SPATA18: variants seen among roughly 807,000 people sequenced by gnomAD.
SPATA18 encodes spermatogenesis associated 18.
A neutral mutation model predicts 68.1 loss-of-function variants in SPATA18; 54 were observed. The ratio of observed to expected loss-of-function variants is 0.79; its 90% CI spans 0.64 to 0.99. The LOEUF (loss-of-function observed/expected upper bound fraction) is 0.99, where lower values mean the gene tolerates loss of function less well. Ranked by LOEUF, SPATA18 falls within the 50% of genes least tolerant of loss-of-function variation. The pLI, the probability that SPATA18 is intolerant of heterozygous loss-of-function variation, is 0.00. For synonymous variants in SPATA18, 242 were observed against 244.8 expected (o/e 0.99, Z 0.11); for missense variants, 724 against 681.1 (o/e 1.06, Z -0.70).
chr4:52,061,350 G>A (rs1046011145), intron 3 of SPATA18, among the ~76,000 whole-genome samples: 7 of 151,918 alleles, frequency 4.6e-5, no homozygotes, highest in Non-Finnish European at 5.9e-5. Flanking sequence ...GAGAGAGAGC[G>A]TTAGGACAAA....
chr4:52,083,933 G>GT (rs552393703), intron 10 of SPATA18, among the ~76,000 whole-genome samples: 1 of 151,564 alleles, frequency 6.6e-6, no homozygotes, highest in South Asian at 2.1e-4. Flanking sequence ...TAGAGACGGG[G>GT]TTTCACCATG....
At chr4:52,082,729 C>A (rs1467743809) in intron 10 of SPATA18, 26 of 1,384,302 alleles carry the variant, frequency 1.9e-5, no homozygotes, top group Non-Finnish European at 2.3e-5. Context: ...TTACTTCTTG[C>A]TTTATTTAGG....
At chr4:52,077,597 G>T (rs1015370713) in intron 7 of SPATA18, among the ~76,000 whole-genome samples, 1 of 152,034 alleles carries the variant, frequency 6.6e-6, no homozygotes, top group Non-Finnish European at 1.5e-5. Context: ...TCTCAAATGG[G>T]TTTATACAAA....
intron 11 of SPATA18, among the ~76,000 whole-genome samples, chr4:52,089,714 A>G (rs780607619): frequency 2.6e-5 from 4 of 152,198 alleles, no homozygotes; most frequent in African/African-American, 4.8e-5. Flanking sequence ...TATGTGGTCA[A>G]TTTTAGAATA....
chr4:52,074,448 G>T (rs1333732037), intron 6 of SPATA18, among the ~76,000 whole-genome samples: 2 of 151,364 alleles, frequency 1.3e-5, no homozygotes, highest in Admixed American at 6.6e-5. Context: ...TTGGGTGAGT[G>T]GGGGGCGCAG....
intron 11 of SPATA18, 39 bp from the exon 12 acceptor site, chr4:52,094,488 T>A: frequency 6.3e-7 from 1 of 1,594,952 alleles, no homozygotes; most frequent in Non-Finnish European, 8.6e-7. Flanking sequence ...TTGAGCTCCG[T>A]CTACTATGTA....
At position 52,060,660 on chromosome 4, in the gene SPATA18, T is replaced by C. The variant is rs942512943; in HGVS notation, c.194-122T>C. ...GATGACCTGATGTGTGTATTCTCTC[T>C]TTTTTTTTTAATTATACTTTAAGTT... On this transcript the variant is annotated intron_variant, in intron 2 of 12. Coordinates refer to ENST00000295213, the MANE Select transcript of SPATA18 (RefSeq NM_145263.4). 4.0e-5 allele frequency: 33 copies of C among 817,152 alleles called. No homozygotes were observed. The African/African-American group carries it at 4.6e-4, about 11-fold the overall frequency. 50.6% of individuals were successfully genotyped at this position (817,152 alleles called of 1,614,324 possible).
In SPATA18 at chr4:52,069,893, G is replaced by C. The variant is rs751082125; in HGVS notation, c.495G>C (p.Glu165Asp). 2.5e-5 allele frequency: 40 copies of C among 1,588,870 alleles called. No homozygotes were observed. Among genetic ancestry groups the C allele is most frequent in the Non-Finnish European group, 3.3e-5 (38 of 1,164,752 alleles). Residue 165 changes from glutamate to aspartate, a missense_variant, in exon 5 of 13, where the codon GAG becomes GAC. Transcript: ENST00000295213. ...CCATATCCCTTTTGGCTGCAGAGGA[G>C]GAAATAAATCAGCTGAAAAAGCAGT... ...RSAISLLAAE[E>D]EINQLKKQLK...
At position 52,095,688 on chromosome 4, in the gene SPATA18, A is replaced by G. The variant is rs1742362407; in HGVS notation, c.*801A>G. The G allele has an allele frequency of 6.6e-6, 1 of 152,158 alleles. No individual in the cohort carries two copies. Among genetic ancestry groups the G allele is most frequent in the Non-Finnish European group, 1.5e-5 (1 of 68,040 alleles). 9.4% of individuals were successfully genotyped at this position (152,158 alleles called of 1,614,324 possible). On this transcript the variant is annotated 3_prime_UTR_variant, in exon 13 of 13. Coordinates refer to ENST00000295213, the MANE Select transcript of SPATA18 (RefSeq NM_145263.4). ...TTCAAACTGTTTTAATGCATGTGTTATATATAAAAGTTTCTTGGGACATGC... is the reference window on the plus strand; with the variant it reads ...TTCAAACTGTTTTAATGCATGTGTTGTATATAAAAGTTTCTTGGGACATGC...
Position 52,096,313 on chromosome 4 carries a change from G to A in SPATA18, c.*1426G>A, listed in dbSNP as rs1474130490. ...CTAGTCATGACTTGGTCATCAGCTTGCTTTGTGGCACTGAGCAAGTTACTT... is the reference window on the plus strand; with the variant it reads ...CTAGTCATGACTTGGTCATCAGCTTACTTTGTGGCACTGAGCAAGTTACTT... On this transcript the variant is annotated 3_prime_UTR_variant, in exon 13 of 13. Coordinates refer to ENST00000295213, the MANE Select transcript of SPATA18 (RefSeq NM_145263.4). 6.6e-6 allele frequency: 1 copy of A among 152,120 alleles called. No individual in the cohort carries two copies. The highest frequency in any genetic ancestry group is 1.5e-5 in the Non-Finnish European group (1 of 68,036). The allele number at this position is 152,120 out of a possible 1,614,324, so 9.4% of individuals were successfully genotyped here.
intron 10 of SPATA18, chr4:52,082,910 G>A (rs1741073884): frequency 2.0e-6 from 2 of 985,204 alleles, no homozygotes; most frequent in East Asian, 2.3e-4. Context: ...TTCTGTTTTG[G>A]GAAACTGCCA....
chr4:52,077,850 T>C (rs921016036), intron 7 of SPATA18, among the ~76,000 whole-genome samples: 1 of 152,192 alleles, frequency 6.6e-6, no homozygotes, highest in Non-Finnish European at 1.5e-5. Context: ...CAAATATGTT[T>C]GTTCTATGGG....
chr4:52,052,507 G>A (rs1737985847), intron 1 of SPATA18, among the ~76,000 whole-genome samples: 1 of 152,126 alleles, frequency 6.6e-6, no homozygotes, highest in African/African-American at 2.4e-5. Flanking sequence ...AGAACGGTGA[G>A]TGTTGAATTT....
rs1187886639 is a variant in SPATA18 at position 52,060,899 on chromosome 4, T to C, written c.309+2T>C. On this transcript the variant is annotated splice_donor_variant, in intron 3 of 12. Transcript: ENST00000295213. LOFTEE classifies it high-confidence loss of function. ...GACAGCAAGGTCCCCTCTCTGCAGG[T>C]AGGGATGCTGAAGGATAACCCTTGA... The C allele has an allele frequency of 1.9e-6, 3 of 1,609,814 alleles. No homozygotes were observed. Among genetic ancestry groups the C allele is most frequent in the Non-Finnish European group, 2.6e-6 (3 of 1,176,306 alleles).
chr4:52,080,401 A>C, intron 9 of SPATA18, among the ~76,000 whole-genome samples: 1 of 152,200 alleles, frequency 6.6e-6, no homozygotes. Context: ...GTGCACACTA[A>C]TGTTTGAAAA....
intron 4 of SPATA18, among the ~76,000 whole-genome samples, chr4:52,063,682 C>T (rs1739080419): frequency 6.6e-6 from 1 of 152,122 alleles, no homozygotes; most frequent in Admixed American, 6.5e-5. Context: ...TGGGGTCTCC[C>T]TTCCCCTCAT....
Position 52,062,218 on chromosome 4 carries a change from A to G in SPATA18, c.310-2A>G. ...TTTTTTTTTTTTGGTGTATCTTTCC[A>G]GGACACGTTTGATAGGGAGAGACAT... On this transcript the variant is annotated splice_acceptor_variant, in intron 3 of 12. Coordinates refer to ENST00000295213, the MANE Select transcript of SPATA18 (RefSeq NM_145263.4). LOFTEE classifies it high-confidence loss of function. The G allele has an allele frequency of 1.4e-6, 2 of 1,391,950 alleles. No homozygotes were observed. Among genetic ancestry groups the G allele is most frequent in the Non-Finnish European group, 9.8e-7 (1 of 1,025,108 alleles). 86.2% of individuals were successfully genotyped at this position (1,391,950 alleles called of 1,614,324 possible).
chr4:52,076,816 A>C lies in SPATA18; in HGVS notation c.796A>C (p.Ser266Arg). The change falls in exon 7 of 13, where the codon AGC becomes CGC. Residue 266 changes from serine to arginine, a missense_variant. Physicochemically the swap from Ser to Arg is moderately radical, Grantham distance 110 (BLOSUM62 -1). Coordinates refer to ENST00000295213, the MANE Select transcript of SPATA18 (RefSeq NM_145263.4). ...CCGGTCTCCCAGCCCTGCCCCTCGC[A>C]GCCGTAGCTGCAGCCGCAGCAGATC... ...RSRSPSPAPR[S>R]RSCSRSRSAS... 3.7e-6 allele frequency: 6 copies of C among 1,614,102 alleles called. No homozygotes were observed. The highest frequency in any genetic ancestry group is 5.1e-6 in the Non-Finnish European group (6 of 1,179,976).
At position 52,084,929 on chromosome 4, in the gene SPATA18, G is replaced by A. The variant is rs748597597; in HGVS notation, c.1493G>A (p.Arg498Gln). The A allele has an allele frequency of 3.8e-5, 61 of 1,613,860 alleles. No homozygotes were observed. In the East Asian group the frequency reaches 5.1e-4, roughly 14 times the overall value. The change falls in exon 11 of 13, where the codon CGA (arginine) becomes CAA (glutamine). Residue 498 changes from arginine to glutamine, a missense_variant. Transcript: ENST00000295213. ...TRRGAFWNSV[R>Q]SVSRCRSRSL... ...CTCTTTTTTAAGTGGAATTCGGTGC[G>A]ATCTGTAAGTCGTTGTCGAAGCAGG...
Sources: gnomAD v4.1 joint callset for allele counts (sites outside exome capture counted in the v4.1 genomes callset) on GRCh38, gnomAD v4.1.1 for gene constraint, MANE v1.5 for transcripts, NCBI Gene and HGNC (gene_info 2026-07-23, HGNC 2026-07-21) for gene names.